The following HS6ST3 variants were observed in gnomAD, a reference collection of about 807,000 sequenced individuals.
HS6ST3 encodes the protein heparan sulfate 6-O-sulfotransferase 3, also known as heparan-sulfate 6-O-sulfotransferase 3.
A neutral mutation model predicts 36.7 loss-of-function variants in HS6ST3; 12 were observed. The observed-to-expected ratio is 0.33, with a 90% CI of 0.21 to 0.53. The LOEUF is 0.53. Among genes scored for constraint, HS6ST3 ranks in the 20% least tolerant of loss-of-function variants. The probability of loss-of-function intolerance (pLI) is 0.95; values close to 1 mark genes in which losing one functional copy is unlikely to be tolerated. For synonymous variants in HS6ST3, 240 were observed against 257.5 expected (o/e 0.93, Z 0.65); for missense variants, 584 against 640.9 (o/e 0.91, Z 0.96).
At chr13:96,697,789 G>A (rs1875171441) in intron 1 of HS6ST3, among the ~76,000 whole-genome samples, 1 of 152,094 alleles carries the variant, frequency 6.6e-6, no homozygotes, top group Non-Finnish European at 1.5e-5. Flanking sequence ...GTTAAACCCT[G>A]TATATCTTAA....
intron 1 of HS6ST3, among the ~76,000 whole-genome samples, chr13:96,771,873 G>T (rs1373729466): frequency 1.3e-5 from 2 of 152,136 alleles, no homozygotes; most frequent in African/African-American, 2.4e-5. Context: ...TGCCAAGGAG[G>T]TCATCTTCCC....
chr13:96,454,003 A>T, intron 1 of HS6ST3, among the ~76,000 whole-genome samples: 1 of 152,124 alleles, frequency 6.6e-6, no homozygotes, highest in Middle Eastern at 3.2e-3. Context: ...ATTGTATAAG[A>T]TTCTTGAAAG....
At chr13:96,502,552 T>C (rs1451831034) in intron 1 of HS6ST3, among the ~76,000 whole-genome samples, 4 of 152,250 alleles carry the variant, frequency 2.6e-5, no homozygotes, top group East Asian at 1.9e-4. Flanking sequence ...CTGTGTAAAT[T>C]TGATGAAGTC....
chr13:96,746,976 TA>T (rs1342211958), intron 1 of HS6ST3, among the ~76,000 whole-genome samples: 1 of 152,104 alleles, frequency 6.6e-6, no homozygotes, highest in African/African-American at 2.4e-5. Flanking sequence ...GGAATTATAA[TA>T]ATATTTTTCA....
intron 1 of HS6ST3, among the ~76,000 whole-genome samples, chr13:96,317,378 A>AAAAT (rs1566322220): frequency 1.7e-4 from 17 of 101,294 alleles, no homozygotes; most frequent in Admixed American, 1.4e-3. Context: ...AAAATTATAT[A>AAAAT]TATATATATA....
At chr13:96,251,850 T>C (rs149308772) in intron 1 of HS6ST3, among the ~76,000 whole-genome samples, 1 of 152,342 alleles carries the variant, frequency 6.6e-6, no homozygotes, top group Non-Finnish European at 1.5e-5. Flanking sequence ...TTAATTTCTA[T>C]ATATTTGTGA....
At position 96,091,198 on chromosome 13, in the gene HS6ST3, C is replaced by G. The variant is rs1339790028; in HGVS notation, c.336C>G (p.Pro112=). 10 of 1,557,818 alleles carry G rather than the reference C, an allele frequency of 6.4e-6. No homozygotes were observed. Among genetic ancestry groups the G allele is most frequent in the East Asian group, 2.4e-5 (1 of 41,260 alleles). The change falls in exon 1 of 2, where the codon CCC becomes CCG. Residue 112 remains proline, a synonymous_variant. Coordinates refer to ENST00000376705, the MANE Select transcript of HS6ST3 (RefSeq NM_153456.4). ...EEEEEEDEPD[P]EAPENGSLPR... ...AGGAGGAGGAAGACGAGCCGGACCC[C>G]GAGGCCCCGGAAAACGGCTCCCTGC...
intron 1 of HS6ST3, among the ~76,000 whole-genome samples, chr13:96,134,967 A>C (rs752353778): frequency 3.9e-5 from 6 of 152,196 alleles, no homozygotes; most frequent in Admixed American, 1.3e-4. Flanking sequence ...TCTCACATCC[A>C]TTCTGTCTGA....
chr13:96,393,061 T>G (rs965469904), intron 1 of HS6ST3, among the ~76,000 whole-genome samples: 3 of 152,146 alleles, frequency 2.0e-5, no homozygotes, highest in African/African-American at 4.8e-5. Context: ...TCTCATGAGA[T>G]CTGATAGTTT....
At chr13:96,290,798 G>A (rs534139470) in intron 1 of HS6ST3, among the ~76,000 whole-genome samples, 1 of 152,130 alleles carries the variant, frequency 6.6e-6, no homozygotes, top group South Asian at 2.1e-4. Flanking sequence ...ACCTGTAAAG[G>A]TCCACCTGAT....
chr13:96,351,335 T>TTTTTTTTTTTTTTTTTAAAAA (rs1203595829), intron 1 of HS6ST3, among the ~76,000 whole-genome samples: 2 of 146,408 alleles, frequency 1.4e-5, no homozygotes, highest in African/African-American at 5.2e-5. Context: ...TTTTTTTTTT[T>TTTTTTTTTTTTTTTTTAAAAA]AAAAAAAACA....
At chr13:96,666,654 C>T (rs570539134) in intron 1 of HS6ST3, among the ~76,000 whole-genome samples, 2 of 152,036 alleles carry the variant, frequency 1.3e-5, no homozygotes, top group African/African-American at 2.4e-5. Context: ...CTAACATAAA[C>T]GATATGAACC....
intron 1 of HS6ST3, among the ~76,000 whole-genome samples, chr13:96,166,044 A>AT (rs966533268): frequency 1.9e-4 from 29 of 151,204 alleles, no homozygotes; most frequent in Middle Eastern, 3.4e-3. Flanking sequence ...TTATTTATTT[A>AT]TTTATTTATT....
At chr13:96,765,547 T>C (rs934999001) in intron 1 of HS6ST3, among the ~76,000 whole-genome samples, 19 of 152,076 alleles carry the variant, frequency 1.2e-4, no homozygotes, top group Admixed American at 4.6e-4. Flanking sequence ...AGTGCAGTTC[T>C]TGAAAGTTTC....
intron 1 of HS6ST3, among the ~76,000 whole-genome samples, chr13:96,609,114 C>T (rs561503439): frequency 6.6e-5 from 10 of 151,206 alleles, no homozygotes; most frequent in Admixed American, 3.3e-4. Flanking sequence ...GGACTATAGG[C>T]GCCCGCCACC....
At chr13:96,502,393 A>T (rs2056008516) in intron 1 of HS6ST3, among the ~76,000 whole-genome samples, 1 of 145,786 alleles carries the variant, frequency 6.9e-6, no homozygotes, top group South Asian at 2.1e-4. Flanking sequence ...AGTTTTGAAC[A>T]CTTTAAATGG....
chr13:96,543,952 G>GATATATATATAT (rs10646361), intron 1 of HS6ST3, among the ~76,000 whole-genome samples: 19 of 145,844 alleles, frequency 1.3e-4, no homozygotes, highest in African/African-American at 4.8e-4. Flanking sequence ...ATGATGGGGA[G>GATATATATATAT]ATATATATAT....
At chr13:96,507,771 A>G (rs2056032417) in intron 1 of HS6ST3, among the ~76,000 whole-genome samples, 1 of 152,122 alleles carries the variant, frequency 6.6e-6, no homozygotes, top group South Asian at 2.1e-4. Flanking sequence ...AATCATCGTT[A>G]TTATTTGGTG....
intron 1 of HS6ST3, among the ~76,000 whole-genome samples, chr13:96,829,407 G>A (rs991114817): frequency 6.6e-6 from 1 of 151,190 alleles, no homozygotes; most frequent in Non-Finnish European, 1.5e-5. Context: ...GGTGTTTGTT[G>A]TACAGATTAT....
Sources: gnomAD v4.1 joint callset for allele counts (sites outside exome capture counted in the v4.1 genomes callset) on GRCh38, gnomAD v4.1.1 for gene constraint, MANE v1.5 for transcripts, NCBI Gene and HGNC (gene_info 2026-07-23, HGNC 2026-07-21) for gene names.